The following PSMA8 variants were observed in gnomAD, a reference collection of about 807,000 sequenced individuals.
PSMA8 encodes the protein proteasome 20S subunit alpha 8.
PSMA8 carries 18 observed loss-of-function variants against 32.4 expected under a neutral mutation model. The observed-to-expected ratio is 0.56, with a 90% CI of 0.38 to 0.82. The LOEUF (loss-of-function observed/expected upper bound fraction) is 0.82. PSMA8 is among the 40% of genes least tolerant of loss of function. PSMA8 has a pLI of 0.00. For missense variants in PSMA8, 298 were observed against 300.7 expected (o/e 0.99, Z 0.07); for synonymous variants, 104 against 98.1 (o/e 1.06, Z -0.36).
chr18:26,172,574 ATAT>A (rs2055231420), intron 4 of PSMA8, among the ~76,000 whole-genome samples: 2 of 152,196 alleles, frequency 1.3e-5, no homozygotes, highest in African/African-American at 4.8e-5. Context: ...GTTAAGCTGC[ATAT>A]GGAAGTAATT....
chr18:26,137,729 T>C (rs560848763), intron 1 of PSMA8, among the ~76,000 whole-genome samples: 1 of 152,244 alleles, frequency 6.6e-6, no homozygotes, highest in East Asian at 1.9e-4. Flanking sequence ...ACATACAAAA[T>C]AGATTCGATC....
intron 4 of PSMA8, among the ~76,000 whole-genome samples, chr18:26,158,726 T>C (rs573844654): frequency 2.4e-4 from 37 of 152,322 alleles, no homozygotes; most frequent in African/African-American, 8.7e-4. Context: ...TAGCATATAG[T>C]TTGTTTTCTG....
At chr18:26,170,344 C>G (rs541402572) in intron 4 of PSMA8, among the ~76,000 whole-genome samples, 1 of 131,662 alleles carries the variant, frequency 7.6e-6, no homozygotes, top group Non-Finnish European at 1.5e-5. Flanking sequence ...TGGATATACA[C>G]GTAGGAATCT....
At chr18:26,173,598 C>G (rs1296182825) in intron 4 of PSMA8, among the ~76,000 whole-genome samples, 1 of 151,314 alleles carries the variant, frequency 6.6e-6, no homozygotes, top group Non-Finnish European at 1.5e-5. Context: ...CTCTTGTTGC[C>G]CGGGCTGGAG....
At chr18:26,180,265 A>C (rs2055299988) in intron 6 of PSMA8, among the ~76,000 whole-genome samples, 1 of 152,142 alleles carries the variant, frequency 6.6e-6, no homozygotes, top group Non-Finnish European at 1.5e-5. Flanking sequence ...TATTTTGAAG[A>C]TTGTTTTACA....
rs773641441 is a variant in PSMA8, at chr18:26,144,562, G to A, written c.106G>A (p.Gly36Arg). Residue 36 changes from glycine (G) to arginine (R), a missense_variant, in exon 2 of 7, where the codon GGA becomes AGA. Transcript: ENST00000415576. ...EAVKKGSTAV[G>R]IRGTNIVVLG... ...ATGTATTTTAATGACTTGACAGGTCGGAATTCGAGGTACCAATATAGTTGT... is the reference window on the plus strand; with the variant it reads ...ATGTATTTTAATGACTTGACAGGTCAGAATTCGAGGTACCAATATAGTTGT... 31 of 1,611,396 alleles carry A rather than the reference G, an allele frequency of 1.9e-5. No individual in the cohort carries two copies. The highest frequency in any genetic ancestry group is 4.0e-5 in the African/African-American group (3 of 74,786).
chr18:26,166,059 G>A (rs1598658751), intron 4 of PSMA8, among the ~76,000 whole-genome samples: 1 of 152,220 alleles, frequency 6.6e-6, no homozygotes, highest in Non-Finnish European at 1.5e-5. Context: ...CCAAGGTCCT[G>A]CCATTGCATT....
chr18:26,147,310 A>C (rs1003645242), intron 2 of PSMA8, among the ~76,000 whole-genome samples: 2 of 152,134 alleles, frequency 1.3e-5, no homozygotes, highest in Non-Finnish European at 1.5e-5. Context: ...GAAGACGTGA[A>C]AATCCACAAA....
intron 1 of PSMA8, among the ~76,000 whole-genome samples, chr18:26,135,722 AT>A (rs2054906161): frequency 6.6e-6 from 1 of 152,216 alleles, no homozygotes; most frequent in Non-Finnish European, 1.5e-5. Context: ...CTAGGGTGTA[AT>A]AAGAAACCAC....
intron 1 of PSMA8, among the ~76,000 whole-genome samples, chr18:26,141,623 A>C (rs1019409485): frequency 6.6e-6 from 1 of 152,070 alleles, no homozygotes; most frequent in African/African-American, 2.4e-5. Context: ...TGTTTAAGAA[A>C]GGGTACTTGG....
chr18:26,154,159 C>G (rs760315260), intron 3 of PSMA8, among the ~76,000 whole-genome samples: 46 of 152,306 alleles, frequency 3.0e-4, no homozygotes, highest in Non-Finnish European at 5.1e-4. Context: ...GTCTCAGCCT[C>G]CCAAAGTGCT....
At chr18:26,147,166 G>A (rs2055010021) in intron 2 of PSMA8, among the ~76,000 whole-genome samples, 1 of 140,714 alleles carries the variant, frequency 7.1e-6, no homozygotes, top group Non-Finnish European at 1.5e-5. Context: ...AGTTATACAT[G>A]AGATTTGGGT....
chr18:26,156,026 T>C (rs896583021), intron 3 of PSMA8, among the ~76,000 whole-genome samples: 1 of 152,026 alleles, frequency 6.6e-6, no homozygotes, highest in South Asian at 2.1e-4. Flanking sequence ...AAAGAAGAAA[T>C]ACAAATGGCC....
chr18:26,157,977 C>T lies in PSMA8; in HGVS notation c.355-145C>T, dbSNP rs140847950. The T allele has an allele frequency of 6.8e-4, 395 of 583,048 alleles. 3 individuals carry two copies. In the East Asian group the frequency reaches 0.012, roughly 17 times the overall value. The allele number at this position is 583,048 out of a possible 1,614,324, so 36.1% of individuals were successfully genotyped here. On this transcript the variant is annotated intron_variant, in intron 3 of 6. Coordinates refer to ENST00000415576, the MANE Select transcript of PSMA8 (RefSeq NM_001025096.2). ...AAAATTTCATCATGAATTGAGATTGCTCCAGAAAGGGTTAGGAAAAAGATC... is the reference window on the plus strand; with the variant it reads ...AAAATTTCATCATGAATTGAGATTGTTCCAGAAAGGGTTAGGAAAAAGATC...
intron 6 of PSMA8, among the ~76,000 whole-genome samples, chr18:26,189,207 C>G (rs1022587815): frequency 3.9e-5 from 6 of 152,008 alleles, no homozygotes; most frequent in East Asian, 3.9e-4. Context: ...CTTCTTTTCT[C>G]AAAAGAAGAC....
At position 26,158,234 on chromosome 18, in the gene PSMA8, A is replaced by G. The variant is rs1568060768; in HGVS notation, c.467A>G (p.His156Arg). 1 of 1,597,796 alleles carries G rather than the reference A, an allele frequency of 6.3e-7. No individual in the cohort carries two copies. Among genetic ancestry groups the G allele is most frequent in the Non-Finnish European group, 8.5e-7 (1 of 1,173,610 alleles). ...LYQTDPSGTY[H>R]AWKANAIGRS... ...CAGACAGATCCTTCTGGTACTTATCATGCTTGGAAGGTGAGTCATGAATTT... is the reference window on the plus strand; with the variant it reads ...CAGACAGATCCTTCTGGTACTTATCGTGCTTGGAAGGTGAGTCATGAATTT... The change falls in exon 4 of 7, where the codon CAT (histidine) becomes CGT (arginine). Residue 156 changes from histidine (H) to arginine (R), a missense_variant. By Grantham distance (29) the His-to-Arg change is conservative. Coordinates refer to ENST00000415576, the MANE Select transcript of PSMA8 (RefSeq NM_001025096.2).
chr18:26,177,055 G>A (rs985157278), intron 4 of PSMA8, among the ~76,000 whole-genome samples: 1 of 152,114 alleles, frequency 6.6e-6, no homozygotes, highest in African/African-American at 2.4e-5. Context: ...CCTAGGAAAG[G>A]GGCATGTGGC....
intron 4 of PSMA8, among the ~76,000 whole-genome samples, chr18:26,173,037 A>G (rs1438680438): frequency 6.6e-6 from 1 of 152,166 alleles, no homozygotes; most frequent in African/African-American, 2.4e-5. Flanking sequence ...AAGAATGTGC[A>G]CTCTAATTGT....
At chr18:26,187,348 A>G (rs895320223) in intron 6 of PSMA8, among the ~76,000 whole-genome samples, 104 of 152,226 alleles carry the variant, frequency 6.8e-4, no homozygotes, top group African/African-American at 2.4e-3. Flanking sequence ...GTCTGCTTCA[A>G]AAAAAGTGAG....
Sources: gnomAD v4.1 joint callset for allele counts (sites outside exome capture counted in the v4.1 genomes callset) on GRCh38, gnomAD v4.1.1 for gene constraint, MANE v1.5 for transcripts, NCBI Gene and HGNC (gene_info 2026-07-23, HGNC 2026-07-21) for gene names.